Variants in NPSR1 observed in about 807,000 individuals in gnomAD.
The protein encoded by NPSR1 is neuropeptide S receptor 1, also known as neuropeptide S receptor.
NPSR1 carries 48 observed loss-of-function variants against 46.9 expected under a neutral mutation model. The ratio of observed to expected loss-of-function variants is 1.02; its 90% CI spans 0.81 to 1.30. The LOEUF is 1.30. NPSR1 is among the 50% of genes most tolerant of loss of function. The pLI, the probability that NPSR1 is intolerant of heterozygous loss-of-function variation, is 0.00. For synonymous variants in NPSR1, 176 were observed against 168.1 expected (o/e 1.05, Z -0.36); for missense variants, 450 against 449.5 (o/e 1.00, Z -0.01).
intron 2 of NPSR1, among the ~76,000 whole-genome samples, chr7:34,729,622 A>AT (rs1784327494): frequency 1.3e-5 from 2 of 152,244 alleles, no homozygotes; most frequent in African/African-American, 4.8e-5. Flanking sequence ...CTAATAAGAC[A>AT]TGTAATTAAA....
intron 3 of NPSR1, among the ~76,000 whole-genome samples, chr7:34,790,719 ATATGT>A (rs376986126): frequency 0.028 from 2,968 of 107,910 alleles, 64 homozygotes; most frequent in East Asian, 0.049. Context: ...TATATATAAT[ATATGT>A]TATATGTTAT....
intron 2 of NPSR1, among the ~76,000 whole-genome samples, chr7:34,731,624 G>C (rs1231139654): frequency 1.3e-5 from 2 of 152,086 alleles, no homozygotes; most frequent in Non-Finnish European, 2.9e-5. Flanking sequence ...CTAGAGAGTG[G>C]GCCAATCTTG....
At chr7:34,876,493 A>C (rs1791577212) in intron 8 of NPSR1, among the ~76,000 whole-genome samples, 1 of 152,166 alleles carries the variant, frequency 6.6e-6, no homozygotes, top group African/African-American at 2.4e-5. Context: ...TTTGCCTGTC[A>C]ACTAGTACAT....
intron 8 of NPSR1, among the ~76,000 whole-genome samples, chr7:34,869,557 G>A (rs1482754655): frequency 6.6e-6 from 1 of 151,364 alleles, no homozygotes; most frequent in Non-Finnish European, 1.5e-5. Flanking sequence ...AACTCATCAG[G>A]GCCCTCCTTA....
At chr7:34,680,541 G>T (rs1475624070) in intron 1 of NPSR1, among the ~76,000 whole-genome samples, 1 of 152,046 alleles carries the variant, frequency 6.6e-6, no homozygotes, top group African/African-American at 2.4e-5. Context: ...TCCATACCTA[G>T]AATATGTACT....
At chr7:34,769,240 C>T (rs1786568992) in intron 2 of NPSR1, among the ~76,000 whole-genome samples, 1 of 151,932 alleles carries the variant, frequency 6.6e-6, no homozygotes, top group Non-Finnish European at 1.5e-5. Context: ...TTAATGTTGT[C>T]CTAGGCTTCA....
At chr7:34,783,419 G>A (rs1030984494) in intron 3 of NPSR1, among the ~76,000 whole-genome samples, 1 of 151,954 alleles carries the variant, frequency 6.6e-6, no homozygotes, top group African/African-American at 2.4e-5. Context: ...AATACCATGG[G>A]GGAAACCACC....
At chr7:34,726,472 A>G (rs1784156980) in intron 2 of NPSR1, among the ~76,000 whole-genome samples, 2 of 152,162 alleles carry the variant, frequency 1.3e-5, no homozygotes, top group Admixed American at 1.3e-4. Context: ...AAAATTAAAT[A>G]TACTCTTACC....
At chr7:34,812,082 G>A (rs930638272) in intron 4 of NPSR1, among the ~76,000 whole-genome samples, 5 of 152,166 alleles carry the variant, frequency 3.3e-5, no homozygotes, top group East Asian at 1.9e-4. Context: ...GAAAAATGCC[G>A]ATGGTTCCCA....
Position 34,801,747 on chromosome 7 carries a change from A to G in NPSR1, c.385-10023A>G, listed in dbSNP as rs367993045. On this transcript the variant is annotated intron_variant, in intron 3 of 8. Transcript: ENST00000360581. ...AATTAGGCAGGAGAAGGAAATAAAG[A>G]GTATTCAATTAGGAAAAGAGGAAGT... Among the ~76,000 whole-genome samples, 40 of 148,306 alleles carry G rather than the reference A, an allele frequency of 2.7e-4. No individual in the cohort carries two copies. The East Asian group carries it at 4.2e-3, about 16-fold the overall frequency.
chr7:34,863,259 A>C (rs1051368799), intron 8 of NPSR1, among the ~76,000 whole-genome samples: 3 of 151,912 alleles, frequency 2.0e-5, no homozygotes, highest in Non-Finnish European at 4.4e-5. Flanking sequence ...TAAATGTAAG[A>C]CCTAAAACTA....
In NPSR1 at chr7:34,709,103, C is replaced by T. The variant is rs72552329; in HGVS notation, c.280+24419C>T. 4.9e-3 allele frequency among the ~76,000 whole-genome samples: 752 copies of T among 152,240 alleles called. 5 individuals are homozygous for T. Among genetic ancestry groups the T allele is most frequent in the African/African-American group, 0.017 (696 of 41,530 alleles). On this transcript the variant is annotated intron_variant, in intron 2 of 8. Transcript: ENST00000360581. ...CAGGAGTTGCAGGGTCATTCTTCTC[C>T]TCAAGAGGCTTGAGAGTAACTAAGT...
chr7:34,684,463 G>A, intron 1 of NPSR1, 89 bp from the exon 2 acceptor site: 1 of 1,318,002 alleles, frequency 7.6e-7, no homozygotes, highest in South Asian at 1.3e-5. Flanking sequence ...ATGTGGCTAG[G>A]AGGAAGAAAT....
intron 2 of NPSR1, among the ~76,000 whole-genome samples, chr7:34,763,528 A>G (rs1488005224): frequency 3.9e-5 from 6 of 152,204 alleles, no homozygotes; most frequent in African/African-American, 1.4e-4. Flanking sequence ...AAAAAAAATA[A>G]TGTGTTCATG....
intron 1 of NPSR1, among the ~76,000 whole-genome samples, chr7:34,674,304 C>T (rs1018953045): frequency 1.3e-5 from 2 of 152,184 alleles, no homozygotes; most frequent in Non-Finnish European, 1.5e-5. Context: ...TAAGCAGCTT[C>T]AGGAACACAG....
At chr7:34,796,038 T>C (rs1392714402) in intron 3 of NPSR1, among the ~76,000 whole-genome samples, 1 of 152,144 alleles carries the variant, frequency 6.6e-6, no homozygotes, top group Non-Finnish European at 1.5e-5. Flanking sequence ...CAGTGTGCTA[T>C]TAGTGAAAGA....
chr7:34,698,488 C>T (rs1793649607), intron 2 of NPSR1, among the ~76,000 whole-genome samples: 1 of 152,086 alleles, frequency 6.6e-6, no homozygotes, highest in African/African-American at 2.4e-5. Flanking sequence ...GAATGCCCTG[C>T]CTAAAGACAT....
At chr7:34,711,176 G>A (rs1237513128) in intron 2 of NPSR1, 1 of 203,088 alleles carries the variant, frequency 4.9e-6, no homozygotes, top group African/African-American at 2.4e-5. Context: ...TATTGCACGA[G>A]GGTACCCAAA....
At position 34,811,867 on chromosome 7, in the gene NPSR1, A is replaced by C. The variant is rs1379001586; in HGVS notation, c.478+4A>C. The C allele has an allele frequency of 1.9e-6, 3 of 1,608,070 alleles. No individual in the cohort carries two copies. Among genetic ancestry groups the C allele is most frequent in the Non-Finnish European group, 2.6e-6 (3 of 1,175,358 alleles). On this transcript the variant is annotated splice_donor_region_variant and intron_variant, in intron 4 of 8. Transcript: ENST00000360581. ...CCCATGAAGTTCCTTCAAGGAGGTG[A>C]GCTGGCTTTACCAGGTGCTCTTTCA... is the stretch of plus-strand genomic sequence containing the variant.
Sources: allele counts gnomAD v4.1 joint callset (sites outside exome capture counted in the v4.1 genomes callset), GRCh38; gene constraint gnomAD v4.1.1; transcripts MANE v1.5; gene names NCBI Gene and HGNC (gene_info 2026-07-23, HGNC 2026-07-21).